SUSD2: variants seen among roughly 807,000 people sequenced by gnomAD.
The protein encoded by SUSD2 is sushi domain containing 2.
In SUSD2, 86 loss-of-function variants were observed where a neutral mutation model predicts 93.8. The ratio of observed to expected loss-of-function variants is 0.92; its 90% CI spans 0.77 to 1.10. The LOEUF (loss-of-function observed/expected upper bound fraction) is 1.10, where lower values mean the gene tolerates loss of function less well. SUSD2 is among the 50% of genes least tolerant of loss of function. SUSD2 has a pLI of 0.00. For synonymous variants in SUSD2, 483 were observed against 485.0 expected, an observed-to-expected ratio of 1.00 and a Z score of 0.05; for missense variants, 1,060 against 1,137.0, an observed-to-expected ratio of 0.93 and a Z score of 0.97.
chr22:24,187,493 A>G, intron 11 of SUSD2, 43 bp downstream of exon 11: 1 of 1,606,556 alleles, frequency 6.2e-7, no homozygotes, highest in South Asian at 1.1e-5. Context: ...GGTGGGGGTT[A>G]CTGGAAACAT....
Position 24,186,426 on chromosome 22 carries a change from C to A in SUSD2, c.1642+11C>A. On this transcript the variant is annotated intron_variant, in intron 10 of 14. Transcript: ENST00000358321. Reference sequence around the variant, plus strand: ...GGATGGACCTGAAAGGTGAGCAGTCCAGCCACGCGAGGCTGCGGGCTGCCC... The same window carrying A: ...GGATGGACCTGAAAGGTGAGCAGTCAAGCCACGCGAGGCTGCGGGCTGCCC... 8 of 1,612,144 alleles carry A rather than the reference C, an allele frequency of 5.0e-6. No individual in the cohort carries two copies. The highest frequency in any genetic ancestry group is 6.8e-6 in the Non-Finnish European group (8 of 1,179,614).
intron 6 of SUSD2, 70 bp downstream of exon 6, chr22:24,185,365 G>C: frequency 6.4e-7 from 1 of 1,552,178 alleles, no homozygotes; most frequent in Non-Finnish European, 8.7e-7. Flanking sequence ...AGCACCAGGG[G>C]AGGCAGACAG....
chr22:24,188,798 G>A lies in SUSD2; in HGVS notation c.*362G>A. 4.4e-6 allele frequency: 1 copy of A among 229,202 alleles called. No homozygotes were observed. The highest frequency in any genetic ancestry group is 8.7e-6 in the Non-Finnish European group (1 of 115,196). 14.2% of individuals were successfully genotyped at this position (229,202 alleles called of 1,614,324 possible). ...TGACGCCGGGGCCCCTGACCCCTGA[G>A]CCTCAGATTCCAATACCTCACTCCC... On this transcript the variant is annotated 3_prime_UTR_variant, in exon 15 of 15. Coordinates refer to ENST00000358321, the MANE Select transcript of SUSD2 (RefSeq NM_019601.4). The surrounding 1 kb of genome is among the most constrained non-coding windows in gnomAD (Gnocchi z 4.7).
chr22:24,187,374 C>A lies in SUSD2; in HGVS notation c.1815C>A (p.Asp605Glu). ...GGACACTCAACAACGACCCCACCGA[C>A]GACTTCACCCTGCACAGCGGGCGCG... is the stretch of plus-strand genomic sequence containing the variant. ...LLGTLNNDPT[D>E]DFTLHSGRVL... is the part of the protein sequence containing the mutation. The change falls in exon 11 of 15, where the codon GAC becomes GAA. Residue 605 changes from aspartate to glutamate, a missense_variant. By Grantham distance (45) the Asp-to-Glu change is conservative. This residue lies in a region of SUSD2 where 973 missense variants were observed against 1,005.3 expected (regional missense o/e 0.97). Coordinates refer to ENST00000358321, the MANE Select transcript of SUSD2 (RefSeq NM_019601.4). 6.2e-7 allele frequency: 1 copy of A among 1,614,028 alleles called. No individual in the cohort carries two copies. The highest frequency in any genetic ancestry group is 1.6e-4 in the Middle Eastern group (1 of 6,062).
chr22:24,188,565 T>G lies in SUSD2; in HGVS notation c.*129T>G, dbSNP rs1216921765. 3.5e-6 allele frequency: 3 copies of G among 866,304 alleles called. No individual in the cohort carries two copies. The highest frequency in any genetic ancestry group is 5.4e-6 in the Non-Finnish European group (3 of 554,290). The allele number at this position is 866,304 out of a possible 1,614,324, so 53.7% of individuals were successfully genotyped here. On this transcript the variant is annotated 3_prime_UTR_variant, in exon 15 of 15. Coordinates refer to ENST00000358321, the MANE Select transcript of SUSD2 (RefSeq NM_019601.4). This position sits in a 1 kb window ranked among gnomAD's most constrained non-coding sequence, Gnocchi z 4.7. ...CTTGATACCTGGGCATTTAACCCCCTACTCTGTCATCTCAGACCCCAGGCA... is the reference window on the plus strand; with the variant it reads ...CTTGATACCTGGGCATTTAACCCCCGACTCTGTCATCTCAGACCCCAGGCA...
intron 3 of SUSD2, 22 bp downstream of exon 3, chr22:24,183,668 C>T (rs773167143): frequency 1.2e-5 from 20 of 1,604,710 alleles, no homozygotes; most frequent in Non-Finnish European, 1.6e-5. Flanking sequence ...TCCCTGCCCA[C>T]AGCCTGCCCC....
At chr22:24,184,051 G>C (rs2047344002) in intron 3 of SUSD2, 85 bp from the exon 4 acceptor site, 14 of 1,369,482 alleles carry the variant, frequency 1.0e-5, no homozygotes, top group Non-Finnish European at 1.3e-5. Flanking sequence ...GGCCCTGGAG[G>C]CTCCCACAGC....
At chr22:24,184,420 A>G (rs2148865633) in intron 4 of SUSD2, 117 bp downstream of exon 4, 1 of 1,084,638 alleles carries the variant, frequency 9.2e-7, no homozygotes, top group Non-Finnish European at 1.3e-6. Flanking sequence ...TGAGGAGGGA[A>G]GGGAATTCCA....
intron 1 of SUSD2, 95 bp from the exon 2 acceptor site, chr22:24,182,958 GCTGT>G (rs2047333821): frequency 1.0e-6 from 1 of 993,256 alleles, no homozygotes; most frequent in Non-Finnish European, 1.5e-6. Flanking sequence ...TGGGGATGCT[GCTGT>G]CTAATGGGCT....
Position 24,187,336 on chromosome 22 carries a change from C to T in SUSD2, c.1777C>T (p.His593Tyr), listed in dbSNP as rs761813300. Residue 593 changes from histidine (H) to tyrosine (Y), a missense_variant, in exon 11 of 15, where the codon CAC becomes TAC. His to Tyr is a moderately conservative substitution (Grantham distance 83). This residue lies in a region of SUSD2 where 973 missense variants were observed against 1,005.3 expected (regional missense o/e 0.97). Coordinates refer to ENST00000358321, the MANE Select transcript of SUSD2 (RefSeq NM_019601.4). The stretch of plus-strand genomic sequence containing the variant: ...GCCTGAGAAGTTCCTCACCCACACC[C>T]ACGGCCTCCTCGGGACACTCAACAA... ...LLPEKFLTHT[H>Y]GLLGTLNNDP... 6.8e-6 allele frequency: 11 copies of T among 1,614,136 alleles called. No homozygotes were observed. The highest frequency in any genetic ancestry group is 1.7e-5 in the Admixed American group (1 of 60,024).
chr22:24,181,719 G>T lies in SUSD2; in HGVS notation c.76+124G>T, dbSNP rs1055144021. On this transcript the variant is annotated intron_variant, in intron 1 of 14. Transcript: ENST00000358321. ...TCAGGCCATCTGTGGCTGTGCTAGG[G>T]GTGATGGGAAGAAATTCTGAGGGTC... is the stretch of plus-strand genomic sequence containing the variant. 7.8e-6 allele frequency: 6 copies of T among 764,876 alleles called. No homozygotes were observed. The African/African-American group carries it at 1.1e-4, about 14-fold the overall frequency. 47.4% of individuals were successfully genotyped at this position (764,876 alleles called of 1,614,324 possible). A position where few individuals can be genotyped will look rare whatever the true frequency, so the allele number is the denominator to read the frequency against.
intron 4 of SUSD2, 51 bp downstream of exon 4, chr22:24,184,354 G>T (rs111311684): frequency 8.8e-5 from 139 of 1,579,218 alleles, no homozygotes; most frequent in Non-Finnish European, 1.2e-4. Flanking sequence ...GCCCCCAGAG[G>T]GGGAGAAAGG....
Position 24,188,431 on chromosome 22 carries a change from C to A in SUSD2, c.2464C>A (p.Pro822Thr), listed in dbSNP as rs374247090. Reference protein sequence around the residue: ...KGNTHVWGAQP With the variant: ...KGNTHVWGAQT ...TTGCAGGCACGTCTGGGGTGCACAG[C>A]CCTGATGGGAGCAGCTTGGCTGTGA... Residue 822 changes from proline to threonine, a missense_variant, in exon 15 of 15, where the codon CCC becomes ACC. Physicochemically the swap from Pro to Thr is conservative, Grantham distance 38. Around this residue, in one of 2 missense-constraint regions of SUSD2, gnomAD observed 973 missense variants for 1,005.3 expected, o/e 0.97. Coordinates refer to ENST00000358321, the MANE Select transcript of SUSD2 (RefSeq NM_019601.4). This position sits in a 1 kb window ranked among gnomAD's most constrained non-coding sequence, Gnocchi z 4.7. 9 of 1,610,454 alleles carry A rather than the reference C, an allele frequency of 5.6e-6. No homozygotes were observed. The African/African-American group carries it at 9.3e-5, about 17-fold the overall frequency.
Position 24,183,215 on chromosome 22 carries a change from G to A in SUSD2, c.235G>A (p.Val79Met), listed in dbSNP as rs1212854261. ...ATCCATGATGGGCGGCAAGGACTTT[G>A]TGGTGCGGCACTTCAAGATGTCCAG... Reference protein sequence around the residue: ...SGSMMGGKDFVVRHFKMSSPT... With the variant: ...SGSMMGGKDFMVRHFKMSSPT... Residue 79 changes from valine (V) to methionine (M), a missense_variant, in exon 2 of 15, where the codon GTG becomes ATG. Physicochemically the swap from Val to Met is conservative, Grantham distance 21. Transcript: ENST00000358321. 1 of 1,613,906 alleles carries A rather than the reference G, an allele frequency of 6.2e-7. No homozygotes were observed. The highest frequency in any genetic ancestry group is 2.2e-5 in the East Asian group (1 of 44,886).
intron 3 of SUSD2, 130 bp downstream of exon 3, chr22:24,183,776 G>A (rs1226539938): frequency 1.1e-5 from 11 of 1,046,760 alleles, no homozygotes; most frequent in African/African-American, 1.6e-5. Flanking sequence ...AGGCCTGCCC[G>A]CCTGCGAGAG....
In SUSD2 at chr22:24,185,928, G is replaced by A; in HGVS notation, c.1338G>A (p.Leu446=). ...NDCRNYRPPR[L]ASAFGDPHFV... Reference sequence around the variant, plus strand: ...GCCGCAACTACCGGCCCCCAAGACTGGGTGGGTGCCATCCCGTGCCCCAGA... The same window carrying A: ...GCCGCAACTACCGGCCCCCAAGACTAGGTGGGTGCCATCCCGTGCCCCAGA... Residue 446 remains leucine, a splice_region_variant and synonymous_variant, in exon 8 of 15, where the codon CTG becomes CTA. Transcript: ENST00000358321. The A allele has an allele frequency of 6.4e-7, 1 of 1,569,286 alleles. No homozygotes were observed. Among genetic ancestry groups the A allele is most frequent in the South Asian group, 1.2e-5 (1 of 85,134 alleles).
Position 24,187,289 on chromosome 22 carries a change from T to C in SUSD2, c.1730T>C (p.Phe577Ser), listed in dbSNP as rs753068067. 6.2e-7 allele frequency: 1 copy of C among 1,613,892 alleles called. No homozygotes were observed. The highest frequency in any genetic ancestry group is 1.3e-5 in the African/African-American group (1 of 74,864). Reference protein sequence around the residue: ...AGLEVSVQGPFLSVSVLLPEK... With the variant: ...AGLEVSVQGPSLSVSVLLPEK... ...CTGGAGGTCAGCGTGCAGGGCCCGTTCCTGAGTGTGTCCGTCCTGCTGCCT... is the reference window on the plus strand; with the variant it reads ...CTGGAGGTCAGCGTGCAGGGCCCGTCCCTGAGTGTGTCCGTCCTGCTGCCT... The change falls in exon 11 of 15, where the codon TTC becomes TCC. Residue 577 changes from phenylalanine (F) to serine (S), a missense_variant. This residue lies in a region of SUSD2 where 973 missense variants were observed against 1,005.3 expected (regional missense o/e 0.97). Transcript: ENST00000358321.
Position 24,185,556 on chromosome 22 carries a change from G to A in SUSD2, c.1055G>A (p.Arg352His), listed in dbSNP as rs1418034911. 39 of 1,589,578 alleles carry A rather than the reference G, an allele frequency of 2.5e-5. No individual in the cohort carries two copies. The highest frequency in any genetic ancestry group is 3.3e-4 in the Middle Eastern group (2 of 6,046). Residue 352 changes from arginine (R) to histidine (H), a missense_variant, in exon 7 of 15, where the codon CGT becomes CAT. Physicochemically the swap from Arg to His is conservative, Grantham distance 29 (BLOSUM62 0). Transcript: ENST00000358321. ...CACCCCGGGGCCGTGCACTGTGTGC[G>A]TTCTGTGCAGGCCAGGTGAGCCCCC... ...TYHPGAVHCVRSVQASLRYGS... is the reference protein window; with the variant it reads ...TYHPGAVHCVHSVQASLRYGS...
chr22:24,187,051 TG>T, intron 10 of SUSD2, 150 bp from the exon 11 acceptor site: 1 of 994,574 alleles, frequency 1.0e-6, no homozygotes, highest in Non-Finnish European at 1.5e-6. Context: ...CGGAGGGTCA[TG>T]GTCAGCAGAA....
Sources: allele counts gnomAD v4.1 joint callset, GRCh38; gene constraint gnomAD v4.1.1; regional missense constraint gnomAD v4.1.1; non-coding constraint Gnocchi (gnomAD v3.1); transcripts MANE v1.5; gene names NCBI Gene and HGNC (gene_info 2026-07-23, HGNC 2026-07-21).